Variants in XKRX observed in about 807,000 individuals in gnomAD.
The protein encoded by XKRX is XK-related protein 2.
Under a neutral mutation model 22.4 loss-of-function variants are expected in XKRX, and 11 were observed. The observed-to-expected ratio is 0.49, with a 90% CI of 0.31 to 0.81. XKRX has a LOEUF of 0.81. XKRX is among the 40% of genes least tolerant of loss of function. The probability of loss-of-function intolerance (pLI) is 0.05; values close to 1 mark genes in which losing one functional copy is unlikely to be tolerated. For missense variants in XKRX, 320 were observed against 336.5 expected, an observed-to-expected ratio of 0.95 and a Z score of 0.38; for synonymous variants, 114 against 132.2, an observed-to-expected ratio of 0.86 and a Z score of 0.94.
the XKRX span, among the ~76,000 whole-genome samples, chrX:100,907,175 C>T: frequency 1.8e-5 from 2 of 111,042 alleles, no homozygotes; most frequent in African/African-American, 6.6e-5. Context: ...TATTCTTCAA[C>T]TTGCTTTTGT....
upstream of XKRX, among the ~76,000 whole-genome samples, chrX:100,933,976 A>G (rs1188290526): frequency 8.9e-6 from 1 of 111,733 alleles, no homozygotes; most frequent in African/African-American, 3.3e-5. Context: ...ACCACAACTT[A>G]GTGCCGGAAC....
At chrX:100,889,318 T>C in the XKRX span, among the ~76,000 whole-genome samples, 1 of 109,403 alleles carries the variant, frequency 9.1e-6, no homozygotes, top group African/African-American at 3.3e-5. Flanking sequence ...GATGAGGTCA[T>C]ACTGGAGTAG....
chrX:100,895,109 C>G, the XKRX span, among the ~76,000 whole-genome samples: 1 of 112,074 alleles, frequency 8.9e-6, no homozygotes, highest in Admixed American at 9.5e-5. Flanking sequence ...GTTTCTCCTC[C>G]ACTTCAAAGT....
intron 1 of XKRX, among the ~76,000 whole-genome samples, chrX:100,927,096 C>T (rs941820590): frequency 2.7e-5 from 3 of 111,098 alleles, no homozygotes; most frequent in African/African-American, 6.6e-5. Context: ...ACACTCAGAC[C>T]AGGCGCGGTG....
chrX:100,894,244 G>A, the XKRX span, among the ~76,000 whole-genome samples: 1 of 111,781 alleles, frequency 8.9e-6, no homozygotes, highest in Non-Finnish European at 1.9e-5. Context: ...TCCAGTCTGG[G>A]CAACAGAGCG....
At chrX:100,907,552 T>C in the XKRX span, among the ~76,000 whole-genome samples, 2 of 111,784 alleles carry the variant, frequency 1.8e-5, no homozygotes, top group Non-Finnish European at 3.8e-5. Flanking sequence ...CCCATTCCTC[T>C]TAATGGGTAG....
rs1162920442 is a variant in XKRX, at chrX:100,917,718, G to GAAAT, written c.605-2636_605-2635insATTT. On this transcript the variant is annotated intron_variant, in intron 2 of 2. Coordinates refer to ENST00000372956, the MANE Select transcript of XKRX (RefSeq NM_212559.3). ...AGAAAGAAAGAAAGAAAGAAAGAAA[G>GAAAT]AAAGAAATCCTTGGTTCAGCTGTAT... 1.0e-3 allele frequency among the ~76,000 whole-genome samples: 87 copies of GAAAT among 85,809 alleles called. 2 individuals are homozygous for GAAAT. Among genetic ancestry groups the GAAAT allele is most frequent in the African/African-American group, 2.5e-3 (67 of 27,016 alleles). The allele number at this position is 85,809 out of a possible 115,157, so 74.5% of individuals were successfully genotyped here. A position where few individuals can be genotyped will look rare whatever the true frequency, so the allele number is the denominator to read the frequency against.
chrX:100,955,536 G>A, the XKRX span, among the ~76,000 whole-genome samples: 1 of 105,040 alleles, frequency 9.5e-6, no homozygotes, highest in African/African-American at 3.4e-5. Context: ...AGCCAGGCAT[G>A]GTGGCGGGCA....
At chrX:100,900,182 C>G in the XKRX span, among the ~76,000 whole-genome samples, 3 of 111,442 alleles carry the variant, frequency 2.7e-5, no homozygotes, top group African/African-American at 9.8e-5. Flanking sequence ...CTACCTCAGC[C>G]TCTGGTGTAG....
chrX:100,959,010 T>C, the XKRX span, among the ~76,000 whole-genome samples: 5 of 111,641 alleles, frequency 4.5e-5, no homozygotes, highest in African/African-American at 1.6e-4. Flanking sequence ...TGTGGTAGTG[T>C]TTAGGGATTT....
downstream of XKRX, chrX:100,910,792 G>A (rs772559365): frequency 6.9e-5 from 54 of 777,035 alleles, no homozygotes; most frequent in African/African-American, 1.0e-3. Flanking sequence ...GAGAAAGAAG[G>A]AAAGTCGAGA....
At chrX:100,931,337 A>C (rs2085521484), upstream of XKRX, among the ~76,000 whole-genome samples, 1 of 109,676 alleles carries the variant, frequency 9.1e-6, no homozygotes, top group Non-Finnish European at 1.9e-5. Flanking sequence ...GCTCTATATA[A>C]TCATCACACT....
At chrX:100,919,746 G>T (rs750519416) in intron 2 of XKRX, among the ~76,000 whole-genome samples, 28 of 111,766 alleles carry the variant, frequency 2.5e-4, no homozygotes, top group South Asian at 7.4e-4. Context: ...AAAGAATATT[G>T]AGTTTAAGAT....
chrX:100,889,250 A>G, the XKRX span, among the ~76,000 whole-genome samples: 3 of 108,611 alleles, frequency 2.8e-5, no homozygotes, highest in East Asian at 8.5e-4. Context: ...AAAAAAAAAA[A>G]AAAAAGAAAA....
chrX:100,903,780 A>G, the XKRX span, among the ~76,000 whole-genome samples: 1,333 of 112,296 alleles, frequency 0.012, 19 homozygotes, highest in African/African-American at 0.041. Flanking sequence ...ATTTAACAAG[A>G]TAAGTACAAG....
chrX:100,949,278 A>G, the XKRX span, among the ~76,000 whole-genome samples: 1 of 111,182 alleles, frequency 9.0e-6, no homozygotes, highest in Non-Finnish European at 1.9e-5. Flanking sequence ...AAAGCTGTAT[A>G]TCCACTCCAA....
chrX:100,921,982 T>C (rs1213644809), intron 2 of XKRX, among the ~76,000 whole-genome samples: 9 of 108,387 alleles, frequency 8.3e-5, no homozygotes, highest in Non-Finnish European at 9.6e-5. Context: ...TACAGGCGCC[T>C]GCCACCACGC....
chrX:100,928,839 T>A lies in XKRX; in HGVS notation c.-535A>T. 6.6e-6 allele frequency: 5 copies of A among 755,677 alleles called. No individual in the cohort carries two copies. The highest frequency in any genetic ancestry group is 7.8e-6 in the Non-Finnish European group (5 of 640,487). The allele number at this position is 755,677 out of a possible 1,213,427, so 62.3% of individuals were successfully genotyped here. A position where few individuals can be genotyped will look rare whatever the true frequency, so the allele number is the denominator to read the frequency against. On this transcript the variant is annotated 5_prime_UTR_variant, in exon 1 of 3. Transcript: ENST00000372956. ...AGGAGGGCAGAAGAGGGGATTCAGTTCAGTGCCTAGGTATCCTAGCTATTG... is the reference window on the plus strand; with the variant it reads ...AGGAGGGCAGAAGAGGGGATTCAGTACAGTGCCTAGGTATCCTAGCTATTG...
chrX:100,911,383 C>T (rs1174951806), downstream of XKRX: 3 of 786,354 alleles, frequency 3.8e-6, no homozygotes, highest in African/African-American at 6.1e-5. Flanking sequence ...TAAATGTGAG[C>T]AAACTGGGAC....
Sources: allele counts gnomAD v4.1 joint callset (sites outside exome capture counted in the v4.1 genomes callset), GRCh38; gene constraint gnomAD v4.1.1; transcripts MANE v1.5; gene names NCBI Gene and HGNC (gene_info 2026-07-23, HGNC 2026-07-21).